The following DPP10 variants were observed in gnomAD, a reference collection of about 807,000 sequenced individuals.
The protein encoded by DPP10 is dipeptidyl peptidase like 10, also known as inactive dipeptidyl peptidase 10.
DPP10 carries 33 observed loss-of-function variants against 120.9 expected under a neutral mutation model. The ratio of observed to expected loss-of-function variants is 0.27; its 90% confidence interval spans 0.21 to 0.37. The LOEUF is 0.37. Among genes scored for constraint, DPP10 ranks in the 10% least tolerant of loss-of-function variants. DPP10 has a pLI of 1.00. For missense variants in DPP10, 816 were observed against 942.8 expected (o/e 0.87, Z 1.76); for synonymous variants, 337 against 326.1 (o/e 1.03, Z -0.36).
intron 1 of DPP10, among the ~76,000 whole-genome samples, chr2:114,729,435 T>A (rs1374196438): frequency 6.6e-6 from 1 of 152,216 alleles, no homozygotes; most frequent in Admixed American, 6.5e-5. Flanking sequence ...CTGTCATGGG[T>A]GGGTTTCACC....
chr2:114,640,977 T>C (rs965307630), intron 1 of DPP10, among the ~76,000 whole-genome samples: 1 of 151,926 alleles, frequency 6.6e-6, no homozygotes, highest in African/African-American at 2.4e-5. Context: ...CATCAGGATG[T>C]ATTTTATTCT....
chr2:115,158,133 G>C (rs946385307), intron 1 of DPP10, among the ~76,000 whole-genome samples: 13 of 152,052 alleles, frequency 8.5e-5, no homozygotes, highest in Admixed American at 1.3e-4. Flanking sequence ...GTAAATTTTG[G>C]TTCTTTGGTC....
At chr2:114,627,106 A>G (rs924860786) in intron 1 of DPP10, among the ~76,000 whole-genome samples, 1 of 152,146 alleles carries the variant, frequency 6.6e-6, no homozygotes, top group Non-Finnish European at 1.5e-5. Flanking sequence ...CTGTGGCAGC[A>G]GTCGCAAGTC....
rs529081920 is a variant in DPP10 at position 115,572,250 on chromosome 2, A to G, written c.441+46278A>G. Among the ~76,000 whole-genome samples, 107 of 152,180 alleles carry G rather than the reference A, an allele frequency of 7.0e-4. 1 individual carries two copies. The highest frequency in any genetic ancestry group is 8.7e-4 in the Non-Finnish European group (59 of 68,010). ...TTTGCATCAATATTCTGGGAAAAATACAGGTGCAAGATATTATGTGCCTTT... is the reference window on the plus strand; with the variant it reads ...TTTGCATCAATATTCTGGGAAAAATGCAGGTGCAAGATATTATGTGCCTTT... On this transcript the variant is annotated intron_variant, in intron 5 of 25. Coordinates refer to ENST00000410059, the MANE Select transcript of DPP10 (RefSeq NM_020868.6).
chr2:114,605,263 G>A (rs539181929), intron 1 of DPP10, among the ~76,000 whole-genome samples: 3 of 152,090 alleles, frequency 2.0e-5, no homozygotes, highest in African/African-American at 7.2e-5. Flanking sequence ...GTTAACCCTT[G>A]AACAATGCAG....
At chr2:114,839,195 A>T (rs535960785) in intron 1 of DPP10, among the ~76,000 whole-genome samples, 1 of 152,208 alleles carries the variant, frequency 6.6e-6, no homozygotes, top group Non-Finnish European at 1.5e-5. Flanking sequence ...CCACATGGGA[A>T]TATCTATGTA....
At chr2:114,583,110 T>C (rs932929215) in intron 1 of DPP10, among the ~76,000 whole-genome samples, 4 of 152,264 alleles carry the variant, frequency 2.6e-5, no homozygotes, top group Non-Finnish European at 2.9e-5. Flanking sequence ...CTCTTCTTTC[T>C]CTATATTAGC....
chr2:115,591,090 C>A (rs2082630352), intron 5 of DPP10, among the ~76,000 whole-genome samples: 2 of 152,272 alleles, frequency 1.3e-5, no homozygotes, highest in East Asian at 1.9e-4. Context: ...TAAAAATTTT[C>A]TCCCATTCTG....
chr2:115,523,494 C>T lies in DPP10; in HGVS notation c.367-2404C>T, dbSNP rs116751587. On this transcript the variant is annotated intron_variant, in intron 4 of 25. Coordinates refer to ENST00000410059, the MANE Select transcript of DPP10 (RefSeq NM_020868.6). Reference sequence around the variant, plus strand: ...CTGGATTGTCTTGTTACGTATGCTTCTCTCTGACCTTGAGAAAGGTGTAAC... The same window carrying T: ...CTGGATTGTCTTGTTACGTATGCTTTTCTCTGACCTTGAGAAAGGTGTAAC... 3.5e-3 allele frequency among the ~76,000 whole-genome samples: 529 copies of T among 149,484 alleles called. 2 individuals carry two copies. Among genetic ancestry groups the T allele is most frequent in the African/African-American group, 0.012 (492 of 40,536 alleles).
chr2:115,415,177 A>G (rs1433455412), intron 3 of DPP10, among the ~76,000 whole-genome samples: 1 of 151,998 alleles, frequency 6.6e-6, no homozygotes, highest in African/African-American at 2.4e-5. Context: ...TGCCTTCCTA[A>G]CTGGTCTCAA....
intron 3 of DPP10, among the ~76,000 whole-genome samples, chr2:115,390,225 T>C (rs957907150): frequency 6.6e-6 from 1 of 152,228 alleles, no homozygotes; most frequent in Non-Finnish European, 1.5e-5. Context: ...TTTGTGTTTA[T>C]GTGCCCAGAA....
chr2:115,499,595 CACA>C lies in DPP10; in HGVS notation c.360_362del (p.Thr121del). 1 of 1,609,448 alleles carries C rather than the reference CACA, an allele frequency of 6.2e-7. No homozygotes were observed. The highest frequency in any genetic ancestry group is 8.5e-7 in the Non-Finnish European group (1 of 1,176,948). On this transcript the variant is annotated inframe_deletion, in exon 4 of 26. Coordinates refer to ENST00000410059, the MANE Select transcript of DPP10 (RefSeq NM_020868.6). ...ATGCTACCACATTATTATTGGAAAA[CACA>C]ACTTTTGTAAGTAATGAATAATTAA...
chr2:115,629,249 T>C (rs1404021448), intron 5 of DPP10, among the ~76,000 whole-genome samples: 3 of 152,206 alleles, frequency 2.0e-5, no homozygotes, highest in African/African-American at 7.2e-5. Flanking sequence ...AAGTCTTTGC[T>C]ATTGCGAATA....
intron 1 of DPP10, among the ~76,000 whole-genome samples, chr2:114,598,523 A>C (rs1259200335): frequency 6.6e-6 from 1 of 151,846 alleles, no homozygotes; most frequent in Non-Finnish European, 1.5e-5. Flanking sequence ...ACACTTAATA[A>C]CTGAATAAGC....
chr2:115,354,664 C>T (rs539590409), intron 3 of DPP10, among the ~76,000 whole-genome samples: 12 of 151,444 alleles, frequency 7.9e-5, no homozygotes, highest in South Asian at 2.1e-4. Flanking sequence ...GGTGGTTTAC[C>T]GCACCTACTG....
At chr2:114,872,834 CA>C (rs1276164580) in intron 1 of DPP10, among the ~76,000 whole-genome samples, 1 of 152,090 alleles carries the variant, frequency 6.6e-6, no homozygotes, top group Non-Finnish European at 1.5e-5. Flanking sequence ...AGACTGCCAA[CA>C]AAAAGAAAGC....
At chr2:115,720,609 T>C (rs1394482008) in intron 7 of DPP10, among the ~76,000 whole-genome samples, 1 of 152,130 alleles carries the variant, frequency 6.6e-6, no homozygotes, top group African/African-American at 2.4e-5. Context: ...TATATGATAA[T>C]ACTTTTTTAT....
chr2:114,932,154 G>A (rs1283920464), intron 1 of DPP10, among the ~76,000 whole-genome samples: 2 of 152,202 alleles, frequency 1.3e-5, no homozygotes, highest in Non-Finnish European at 2.9e-5. Flanking sequence ...TAGACCTACT[G>A]AATTAGAAAC....
intron 1 of DPP10, among the ~76,000 whole-genome samples, chr2:114,751,927 G>A (rs183654226): frequency 7.2e-4 from 110 of 152,334 alleles, no homozygotes; most frequent in African/African-American, 2.6e-3. Flanking sequence ...ATTGTGAATA[G>A]GTCAGTAGAT....
Sources: allele counts gnomAD v4.1 joint callset (sites outside exome capture counted in the v4.1 genomes callset), GRCh38; gene constraint gnomAD v4.1.1; transcripts MANE v1.5; gene names NCBI Gene and HGNC (gene_info 2026-07-23, HGNC 2026-07-21).